ZBTB46: variants seen among roughly 807,000 people sequenced by gnomAD.
ZBTB46 encodes the protein zinc finger and BTB domain-containing protein 46.
ZBTB46 carries 8 observed loss-of-function variants against 44.1 expected under a neutral mutation model. The observed-to-expected ratio is 0.18, with a 90% confidence interval of 0.11 to 0.33. The LOEUF (loss-of-function observed/expected upper bound fraction) is 0.33, where lower values mean the gene tolerates loss of function less well. Among genes scored for constraint, ZBTB46 ranks in the 10% least tolerant of loss-of-function variants. The pLI, the probability that ZBTB46 is intolerant of heterozygous loss-of-function variation, is 1.00. For missense variants in ZBTB46, 651 were observed against 847.7 expected (o/e 0.77, Z 2.88); for synonymous variants, 409 against 382.3 (o/e 1.07, Z -0.81).
chr20:63,801,875 C>G (rs1038682013), intron 1 of ZBTB46, among the ~76,000 whole-genome samples: 4 of 152,184 alleles, frequency 2.6e-5, no homozygotes, highest in South Asian at 2.1e-4. Flanking sequence ...CCCAAGAGTT[C>G]GAGCTCATCA....
chr20:63,785,620 C>T (rs952612267), intron 2 of ZBTB46, among the ~76,000 whole-genome samples: 10 of 152,128 alleles, frequency 6.6e-5, no homozygotes, highest in Non-Finnish European at 1.5e-4. Flanking sequence ...ATTAAAAATC[C>T]TCTTCTCTAA....
At chr20:63,786,274 A>G (rs543514040) in intron 2 of ZBTB46, among the ~76,000 whole-genome samples, 93 of 152,244 alleles carry the variant, frequency 6.1e-4, no homozygotes, top group Non-Finnish European at 1.2e-3. Context: ...CTGCCTGTAC[A>G]CTCTCCACAC....
In ZBTB46 at chr20:63,781,770, C is replaced by A. The variant is rs1245030383; in HGVS notation, c.938-5808G>T. Reference sequence around the variant, plus strand: ...TCGTGCCATTGCACTCCAGCCTGGACAACAGAGCGAGACTCTGTCAAAAAA... The same window carrying A: ...TCGTGCCATTGCACTCCAGCCTGGAAAACAGAGCGAGACTCTGTCAAAAAA... On this transcript the variant is annotated intron_variant, in intron 2 of 4. Coordinates refer to ENST00000245663, the MANE Select transcript of ZBTB46 (RefSeq NM_001369741.1). Among the ~76,000 whole-genome samples the A allele has an allele frequency of 2.0e-5, 3 of 146,982 alleles. No individual in the cohort carries two copies. The South Asian group carries it at 6.7e-4, about 33-fold the overall frequency.
intron 1 of ZBTB46, among the ~76,000 whole-genome samples, chr20:63,792,423 A>ACGGGGC (rs147656985): frequency 0.43 from 65,456 of 151,672 alleles, 14,553 homozygotes; most frequent in African/African-American, 0.56. Context: ...CTCATGGGGG[A>ACGGGGC]CGGGGTCGGG....
At chr20:63,799,222 C>T (rs2092625731) in intron 1 of ZBTB46, among the ~76,000 whole-genome samples, 1 of 151,120 alleles carries the variant, frequency 6.6e-6, no homozygotes, top group Non-Finnish European at 1.5e-5. Flanking sequence ...TAATTTCTTA[C>T]AGAGACAGGG....
At chr20:63,808,161 G>T (rs1053572218) in intron 1 of ZBTB46, 1 of 152,792 alleles carries the variant, frequency 6.5e-6, no homozygotes. Flanking sequence ...GCGCGGTAAG[G>T]ACCCCACCCA....
intron 1 of ZBTB46, among the ~76,000 whole-genome samples, chr20:63,799,723 T>C (rs2092629244): frequency 1.3e-5 from 2 of 152,136 alleles, no homozygotes; most frequent in South Asian, 2.1e-4. Flanking sequence ...CAGGCACACA[T>C]GGACAGAGGC....
rs555625195 is a variant in ZBTB46, at chr20:63,782,709, G to A, written c.938-6747C>T. On this transcript the variant is annotated intron_variant, in intron 2 of 4. Transcript: ENST00000245663. The stretch of plus-strand genomic sequence containing the variant: ...CACGACCCACGCCCCACACCCACAG[G>A]TGAGGAGCAGTGTTGCTGCTGGCTG... Among the ~76,000 whole-genome samples, 319 of 152,308 alleles carry A rather than the reference G, an allele frequency of 2.1e-3. 1 individual carries two copies. Among genetic ancestry groups the A allele is most frequent in the African/African-American group, 7.3e-3 (305 of 41,574 alleles).
intron 4 of ZBTB46, among the ~76,000 whole-genome samples, chr20:63,751,848 G>A (rs1411666766): frequency 6.6e-6 from 1 of 151,086 alleles, no homozygotes; most frequent in Non-Finnish European, 1.5e-5. Flanking sequence ...CTCCCATGAA[G>A]CCCCGCCCCC....
At chr20:63,773,662 C>T (rs1449005891) in intron 3 of ZBTB46, among the ~76,000 whole-genome samples, 1 of 150,952 alleles carries the variant, frequency 6.6e-6, no homozygotes, top group East Asian at 2.0e-4. Flanking sequence ...TGCCACCGGC[C>T]GCACCCAAGC....
chr20:63,787,766 G>T lies in ZBTB46; in HGVS notation c.937+2055C>A, dbSNP rs2092527586. 6.6e-6 allele frequency: 1 copy of T among 152,242 alleles called. No homozygotes were observed. The highest frequency in any genetic ancestry group is 6.5e-5 in the Admixed American group (1 of 15,282). The allele number at this position is 152,242 out of a possible 1,614,324, so 9.4% of individuals were successfully genotyped here. On this transcript the variant is annotated intron_variant, in intron 2 of 4. Transcript: ENST00000245663. The surrounding 1 kb of genome is among the most constrained non-coding windows in gnomAD (Gnocchi z 4.6). ...TGTACATTTGAAAATGGTTAAAATGGTAAGGTTTACATTATGTATGTTCTA... is the reference window on the plus strand; with the variant it reads ...TGTACATTTGAAAATGGTTAAAATGTTAAGGTTTACATTATGTATGTTCTA...
At chr20:63,832,698 G>A (rs1293743092), upstream of ZBTB46, among the ~76,000 whole-genome samples, 1 of 152,042 alleles carries the variant, frequency 6.6e-6, no homozygotes, top group Non-Finnish European at 1.5e-5. The surrounding 1 kb of genome is among the most constrained non-coding windows in gnomAD (Gnocchi z 5.0). Flanking sequence ...CTGCGGCCCA[G>A]GAAGCCCCGT....
intron 1 of ZBTB46, among the ~76,000 whole-genome samples, chr20:63,793,819 GCTT>G (rs1017146453): frequency 7.0e-6 from 1 of 143,088 alleles, no homozygotes; most frequent in Non-Finnish European, 1.5e-5. Context: ...AATCAGGGCA[GCTT>G]AAAATCAGTT....
At position 63,746,433 on chromosome 20, in the gene ZBTB46, C is replaced by T. The variant is rs1361285045; in HGVS notation, c.*497G>A. On this transcript the variant is annotated 3_prime_UTR_variant, in exon 5 of 5. Transcript: ENST00000245663. ...GCTGCCATGGGCCACGGCTGCACCACGGGCCACGGCTGCAGCCACAGGCAG... is the reference window on the plus strand; with the variant it reads ...GCTGCCATGGGCCACGGCTGCACCATGGGCCACGGCTGCAGCCACAGGCAG... The T allele has an allele frequency of 6.8e-6, 1 of 147,946 alleles. No homozygotes were observed. The highest frequency in any genetic ancestry group is 1.5e-5 in the Non-Finnish European group (1 of 67,768). 9.2% of individuals were successfully genotyped at this position (147,946 alleles called of 1,614,324 possible). A position where few individuals can be genotyped will look rare whatever the true frequency, so the allele number is the denominator to read the frequency against.
At chr20:63,749,823 G>A (rs149588685) in intron 4 of ZBTB46, among the ~76,000 whole-genome samples, 28 of 152,356 alleles carry the variant, frequency 1.8e-4, no homozygotes, top group African/African-American at 6.5e-4. Flanking sequence ...ACCTGAGGAG[G>A]CAGCAGGGGC....
chr20:63,775,377 C>G (rs560904825), intron 3 of ZBTB46: 229 of 319,468 alleles, frequency 7.2e-4, no homozygotes, highest in African/African-American at 4.6e-3. Flanking sequence ...GCGACCCGGA[C>G]GAGCTCGCAT....
In ZBTB46 at chr20:63,782,635, G is replaced by A. The variant is rs530908626; in HGVS notation, c.938-6673C>T. On this transcript the variant is annotated intron_variant, in intron 2 of 4. Coordinates refer to ENST00000245663, the MANE Select transcript of ZBTB46 (RefSeq NM_001369741.1). ...ACAGCCCTGAGCCTGACACCCAAAC[G>A]CCCACATCCAGACAACCACAGAACA... is the stretch of plus-strand genomic sequence containing the variant. 3.9e-5 allele frequency among the ~76,000 whole-genome samples: 6 copies of A among 152,206 alleles called. No homozygotes were observed. In the East Asian group the frequency reaches 1.2e-3, roughly 29 times the overall value.
At chr20:63,831,757 G>T (rs2092853674), upstream of ZBTB46, among the ~76,000 whole-genome samples, 2 of 150,596 alleles carry the variant, frequency 1.3e-5, no homozygotes, top group South Asian at 4.2e-4. Context: ...CCTCGGGGGC[G>T]CGCGGGTGCC....
At chr20:63,761,594 C>CA (rs1213873130) in intron 3 of ZBTB46, among the ~76,000 whole-genome samples, 5 of 151,884 alleles carry the variant, frequency 3.3e-5, no homozygotes, top group African/African-American at 1.2e-4. Flanking sequence ...CCAGCCTGGC[C>CA]AATATAGTGG....
Sources: allele counts gnomAD v4.1 joint callset (sites outside exome capture counted in the v4.1 genomes callset), GRCh38; gene constraint gnomAD v4.1.1; non-coding constraint Gnocchi (gnomAD v3.1); transcripts MANE v1.5; gene names NCBI Gene and HGNC (gene_info 2026-07-23, HGNC 2026-07-21).